DPP9: variants seen among roughly 807,000 people sequenced by gnomAD.
The protein encoded by DPP9 is dipeptidyl peptidase 9, also known as dipeptidyl peptidase IV-related protein-2.
Under a neutral mutation model 110.7 loss-of-function variants are expected in DPP9, and 50 were observed. The observed-to-expected ratio is 0.45, with a 90% CI of 0.36 to 0.57. The LOEUF (loss-of-function observed/expected upper bound fraction) is 0.57, where lower values mean the gene tolerates loss of function less well. Ranked by LOEUF, DPP9 falls within the 20% of genes least tolerant of loss-of-function variation. The pLI, the probability that DPP9 is intolerant of heterozygous loss-of-function variation, is 0.00. For missense variants in DPP9, 1,022 were observed against 1,217.9 expected (o/e 0.84, Z 2.39); for synonymous variants, 561 against 514.4 (o/e 1.09, Z -1.23).
At position 4,682,768 on chromosome 19, in the gene DPP9, T is replaced by C; in HGVS notation, c.2402A>G (p.Asp801Gly). 1.2e-6 allele frequency: 2 copies of C among 1,605,620 alleles called. No individual in the cohort carries two copies. The highest frequency in any genetic ancestry group is 1.7e-6 in the Non-Finnish European group (2 of 1,176,376). Residue 801 changes from aspartate to glycine, a missense_variant, in exon 20 of 22, where the codon GAC becomes GGC. Physicochemically the swap from Asp to Gly is moderately conservative, Grantham distance 94. Transcript: ENST00000262960. The surrounding 1 kb of genome is among the most constrained non-coding windows in gnomAD (Gnocchi z 7.1). ...YDTGYTERYM[D>G]VPENNQHGYE... ...GCCGTGCTGGTTGTTCTCAGGGACG[T>C]CCATGTAGCGCTCAGTGTACCCTGT...
intron 21 of DPP9, among the ~76,000 whole-genome samples, chr19:4,678,953 C>T (rs1176162454): frequency 6.6e-6 from 1 of 152,132 alleles, no homozygotes; most frequent in African/African-American, 2.4e-5. Context: ...CAACTCTATG[C>T]TCTGCTCACA....
intron 16 of DPP9, 145 bp downstream of exon 16, chr19:4,688,612 C>T (rs920375892): frequency 6.5e-6 from 7 of 1,082,796 alleles, no homozygotes; most frequent in Non-Finnish European, 2.4e-6. Flanking sequence ...TGACGAGTTC[C>T]CAGATGCTTG....
chr19:4,676,349 G>C lies in DPP9; in HGVS notation c.*215C>G, dbSNP rs950325207. The C allele has an allele frequency of 1.7e-6, 1 of 573,548 alleles. No homozygotes were observed. The highest frequency in any genetic ancestry group is 3.1e-6 in the Non-Finnish European group (1 of 319,110). The allele number at this position is 573,548 out of a possible 1,614,324, so 35.5% of individuals were successfully genotyped here. On this transcript the variant is annotated 3_prime_UTR_variant, in exon 22 of 22. Transcript: ENST00000262960. The surrounding 1 kb of genome is among the most constrained non-coding windows in gnomAD (Gnocchi z 4.0). ...CCCGAGACCACCATCTCTCTGTCTC[G>C]GCAACCAAGAAGCAGCGGACATAAA...
chr19:4,683,397 CG>C, intron 19 of DPP9, 79 bp downstream of exon 19: 1 of 1,581,374 alleles, frequency 6.3e-7, no homozygotes. Flanking sequence ...CCGGGTGGCG[CG>C]GGCGGTGGGC....
chr19:4,713,070 C>T (rs1204383982), intron 4 of DPP9, among the ~76,000 whole-genome samples: 1 of 152,236 alleles, frequency 6.6e-6, no homozygotes, highest in Non-Finnish European at 1.5e-5. Context: ...CTGTGGTTGT[C>T]ACCACTGGGA....
rs1042955652 is a variant in DPP9, at chr19:4,684,603, C to G, written c.2178+60G>C. ...GCCGCTCCCATGCCCTGCACCCACACGGCCCAGGGCTCCCTTCCCGAGACC... is the reference window on the plus strand; with the variant it reads ...GCCGCTCCCATGCCCTGCACCCACAGGGCCCAGGGCTCCCTTCCCGAGACC... On this transcript the variant is annotated intron_variant, in intron 18 of 21. Transcript: ENST00000262960. The surrounding 1 kb of genome is among the most constrained non-coding windows in gnomAD (Gnocchi z 4.8). 2.8e-5 allele frequency: 44 copies of G among 1,585,284 alleles called. No homozygotes were observed. Among genetic ancestry groups the G allele is most frequent in the Non-Finnish European group, 3.4e-5 (39 of 1,162,972 alleles).
Position 4,676,594 on chromosome 19 carries a change from C to T in DPP9, c.2649G>A (p.Thr883=), listed in dbSNP as rs1231699263. 1.2e-6 allele frequency: 2 copies of T among 1,607,888 alleles called. No individual in the cohort carries two copies. The highest frequency in any genetic ancestry group is 2.2e-5 in the South Asian group (2 of 89,910). Residue 883 remains threonine, a synonymous_variant, in exon 22 of 22, where the codon ACG becomes ACA. Transcript: ENST00000262960. The surrounding 1 kb of genome is among the most constrained non-coding windows in gnomAD (Gnocchi z 4.0). Reference sequence around the variant, plus strand: ...GGTATTCCTGTAGAAAGTGCAGCAACGTGACTTCATAGTGCTCGCCCGACT... The same window carrying T: ...GGTATTCCTGTAGAAAGTGCAGCAATGTGACTTCATAGTGCTCGCCCGACT... The part of the protein sequence containing the change: ...CPESGEHYEV[T]LLHFLQEYL
At chr19:4,711,964 G>A (rs138223210) in intron 4 of DPP9, among the ~76,000 whole-genome samples, 4 of 152,086 alleles carry the variant, frequency 2.6e-5, no homozygotes, top group African/African-American at 9.6e-5. Context: ...GCCTCCAGAG[G>A]GAGCGTGGCC....
At chr19:4,690,693 C>G (rs774429109) in intron 14 of DPP9, among the ~76,000 whole-genome samples, 185 bp downstream of exon 14, 2 of 152,170 alleles carry the variant, frequency 1.3e-5, no homozygotes, top group Non-Finnish European at 2.9e-5. Flanking sequence ...ATGGTAGACA[C>G]CGTGCTGAGG....
chr19:4,700,241 T>C lies in DPP9; in HGVS notation c.1049A>G (p.Glu350Gly). The change falls in exon 10 of 22, where the codon GAG (glutamate) becomes GGG (glycine). Residue 350 changes from glutamate to glycine, a missense_variant. By Grantham distance (98) the Glu-to-Gly change is moderately conservative. This residue lies in a region of DPP9 where 810 missense variants were observed against 920.6 expected (regional missense o/e 0.88). Coordinates refer to ENST00000262960, the MANE Select transcript of DPP9 (RefSeq NM_139159.5). This position sits in a 1 kb window ranked among gnomAD's most constrained non-coding sequence, Gnocchi z 4.3. ...KNPKIALKLAEFQTDSQGKIV... is the reference protein window; with the variant it reads ...KNPKIALKLAGFQTDSQGKIV... ...CTTGCCCTGGCTGTCAGTCTGGAAC[T>C]CAGCCAGTTTCAAGGCAATCTTGGG... 1 of 1,598,374 alleles carries C rather than the reference T, an allele frequency of 6.3e-7. No homozygotes were observed. The highest frequency in any genetic ancestry group is 8.5e-7 in the Non-Finnish European group (1 of 1,169,940).
At position 4,704,398 on chromosome 19, in the gene DPP9, G is replaced by A. The variant is rs1599924373; in HGVS notation, c.427-94C>T. On this transcript the variant is annotated intron_variant, in intron 5 of 21. Coordinates refer to ENST00000262960, the MANE Select transcript of DPP9 (RefSeq NM_139159.5). This position sits in a 1 kb window ranked among gnomAD's most constrained non-coding sequence, Gnocchi z 6.0. ...GATCCTCGGGCTGGGGCATTCCCAG[G>A]GAATCTGACTTCGGGCCTCGCCAGA... The A allele has an allele frequency of 6.2e-6, 9 of 1,453,116 alleles. No homozygotes were observed. In the South Asian group the frequency reaches 7.4e-5, roughly 12 times the overall value. The allele number at this position is 1,453,116 out of a possible 1,614,324, so 90.0% of individuals were successfully genotyped here.
At chr19:4,715,045 T>TTG (rs2093016833) in intron 3 of DPP9, among the ~76,000 whole-genome samples, 1 of 102,808 alleles carries the variant, frequency 9.7e-6, no homozygotes, top group Non-Finnish European at 1.9e-5. Context: ...TTTTTTTTTT[T>TTG]GGAGACAGAG....
Position 4,693,368 on chromosome 19 carries a change from G to C in DPP9, c.1516+1293C>G. Among the ~76,000 whole-genome samples, 1 of 152,106 alleles carries C rather than the reference G, an allele frequency of 6.6e-6. No individual in the cohort carries two copies. Among genetic ancestry groups the C allele is most frequent in the East Asian group, 1.9e-4 (1 of 5,198 alleles). ...AAGGACACCTGCAATCCCACCAGGA[G>C]TCTCGGTTCCCTGAGCTCCAGGCAC... On this transcript the variant is annotated intron_variant, in intron 13 of 21. Transcript: ENST00000262960. The surrounding 1 kb of genome is among the most constrained non-coding windows in gnomAD (Gnocchi z 5.0).
At chr19:4,705,805 C>T (rs1487764799) in intron 5 of DPP9, 53 bp downstream of exon 5, 4 of 1,573,388 alleles carry the variant, frequency 2.5e-6, no homozygotes, top group Non-Finnish European at 1.7e-6. Flanking sequence ...GTGGGGCTGG[C>T]CTTTGCCACC....
intron 3 of DPP9, among the ~76,000 whole-genome samples, chr19:4,715,159 A>T (rs2093023529): frequency 6.6e-6 from 1 of 151,000 alleles, no homozygotes; most frequent in Admixed American, 6.6e-5. Context: ...AGCTGAGATT[A>T]CAGGTGCCTG....
chr19:4,683,254 G>A, intron 19 of DPP9: 1 of 1,434,362 alleles, frequency 7.0e-7, no homozygotes, highest in South Asian at 1.5e-5. Context: ...GCGGGGTTTT[G>A]TGCAGCCGGA....
At chr19:4,680,040 G>T in intron 20 of DPP9, 94 bp from the exon 21 acceptor site, 1 of 843,760 alleles carries the variant, frequency 1.2e-6, no homozygotes, top group East Asian at 2.7e-5. Flanking sequence ...GACCAGCCTG[G>T]CCAACATGGT....
intron 3 of DPP9, chr19:4,719,552 A>C (rs2093226967): frequency 8.5e-6 from 4 of 469,490 alleles, no homozygotes; most frequent in African/African-American, 2.0e-5. Flanking sequence ...GGTTGTCTCA[A>C]CTGAGGGGAG....
At chr19:4,707,771 G>A (rs940906632) in intron 4 of DPP9, among the ~76,000 whole-genome samples, 15 of 151,552 alleles carry the variant, frequency 9.9e-5, no homozygotes, top group Non-Finnish European at 1.5e-4. Context: ...GATTACAGGC[G>A]CCCACCACCA....
Sources: gnomAD v4.1 joint callset for allele counts (sites outside exome capture counted in the v4.1 genomes callset) on GRCh38, gnomAD v4.1.1 for gene constraint, gnomAD v4.1.1 regional missense constraint, Gnocchi (gnomAD v3.1) non-coding constraint, MANE v1.5 for transcripts, NCBI Gene and HGNC (gene_info 2026-07-23, HGNC 2026-07-21) for gene names.